Variants in PPP2R2B observed in about 807,000 individuals in gnomAD.
The protein encoded by PPP2R2B is protein phosphatase 2 regulatory subunit Bbeta, also known as serine/threonine-protein phosphatase 2A 55 kDa regulatory subunit B beta isoform.
In PPP2R2B, 5 loss-of-function variants were observed where a neutral mutation model predicts 46.0. The observed-to-expected ratio is 0.11, with a 90% CI of 0.06 to 0.23. PPP2R2B has a LOEUF of 0.23. Ranked by LOEUF, PPP2R2B falls within the 10% of genes least tolerant of loss-of-function variation. PPP2R2B has a pLI of 1.00. For missense variants in PPP2R2B, 367 were observed against 575.0 expected, an observed-to-expected ratio of 0.64 and a Z score of 3.70; for synonymous variants, 215 against 206.7, an observed-to-expected ratio of 1.04 and a Z score of -0.34.
intron 5 of PPP2R2B, among the ~76,000 whole-genome samples, chr5:146,681,726 A>G (rs1389239775): frequency 6.6e-6 from 1 of 152,184 alleles, no homozygotes; most frequent in Non-Finnish European, 1.5e-5. Flanking sequence ...CAAGATCCTT[A>G]CTTGCAAAGC....
At chr5:147,079,360 T>C (rs1261082623) in intron 2 of PPP2R2B, among the ~76,000 whole-genome samples, 1 of 146,592 alleles carries the variant, frequency 6.8e-6, no homozygotes, top group African/African-American at 2.5e-5. Flanking sequence ...TACAGTGATA[T>C]ATATATATAT....
intron 1 of PPP2R2B, among the ~76,000 whole-genome samples, chr5:146,900,050 G>A (rs1366186575): frequency 6.6e-6 from 1 of 152,172 alleles, no homozygotes; most frequent in East Asian, 1.9e-4. Context: ...ACTCAAACAA[G>A]ATTTCTATAC....
intron 2 of PPP2R2B, among the ~76,000 whole-genome samples, chr5:146,858,409 T>A (rs1424646187): frequency 2.0e-5 from 3 of 152,220 alleles, no homozygotes; most frequent in Non-Finnish European, 4.4e-5. Flanking sequence ...CATGTACAAG[T>A]ATTATCTCAC....
chr5:147,081,298 A>C (rs772898420), exon 1 of PPP2R2B: 57 of 1,535,650 alleles, frequency 3.7e-5, no homozygotes, highest in Non-Finnish European at 5.0e-5. Context: ...GTGAGTCCTG[A>C]GAGGACGGTC....
chr5:146,726,668 C>T (rs951995466), intron 2 of PPP2R2B, among the ~76,000 whole-genome samples: 1 of 152,194 alleles, frequency 6.6e-6, no homozygotes, highest in Non-Finnish European at 1.5e-5. Flanking sequence ...CAAACCCACA[C>T]AGTCTAGTCC....
At chr5:146,938,524 T>C (rs1451675855) in intron 1 of PPP2R2B, among the ~76,000 whole-genome samples, 1 of 152,168 alleles carries the variant, frequency 6.6e-6, no homozygotes, top group Non-Finnish European at 1.5e-5. Context: ...GAAATACTAA[T>C]TTAAATTTAA....
intron 1 of PPP2R2B, among the ~76,000 whole-genome samples, chr5:147,035,653 C>T (rs9325032): frequency 0.67 from 101,910 of 151,974 alleles, 35,461 homozygotes; most frequent in South Asian, 0.78. Context: ...AGTAGAAAGT[C>T]ATTTACATCT....
At chr5:146,835,190 A>T (rs1375459109) in intron 2 of PPP2R2B, among the ~76,000 whole-genome samples, 1 of 152,226 alleles carries the variant, frequency 6.6e-6, no homozygotes, top group Non-Finnish European at 1.5e-5. Context: ...GTTATACTGT[A>T]GCAGAAAAAT....
intron 2 of PPP2R2B, among the ~76,000 whole-genome samples, chr5:146,771,999 G>C (rs1754886102): frequency 6.6e-6 from 1 of 152,156 alleles, no homozygotes; most frequent in Non-Finnish European, 1.5e-5. Flanking sequence ...CATGTACACA[G>C]AGAATCATTT....
intron 2 of PPP2R2B, among the ~76,000 whole-genome samples, chr5:146,871,740 T>C (rs1045593577): frequency 7.9e-5 from 12 of 152,194 alleles, no homozygotes; most frequent in African/African-American, 2.9e-4. Flanking sequence ...GCAGCATGGG[T>C]GAGCAAAGAA....
At chr5:146,967,607 A>G (rs577283304) in intron 1 of PPP2R2B, among the ~76,000 whole-genome samples, 24 of 152,214 alleles carry the variant, frequency 1.6e-4, no homozygotes, top group Admixed American at 3.9e-4. Flanking sequence ...TATCCAGGAC[A>G]TTTCCTTTGC....
chr5:146,728,928 C>T (rs368127573), intron 2 of PPP2R2B, among the ~76,000 whole-genome samples: 1 of 152,304 alleles, frequency 6.6e-6, no homozygotes, highest in Non-Finnish European at 1.5e-5. Flanking sequence ...CAGACTAATA[C>T]AGCAAATTGG....
Position 146,750,727 on chromosome 5 carries a change from G to A in PPP2R2B, c.71-49585C>T, listed in dbSNP as rs892972493. ...AGTCTTCTCATGGTTAAGAACATGG[G>A]CACAGCATTGCTATGGCTTATATAT... On this transcript the variant is annotated intron_variant, in intron 2 of 9. Transcript: ENST00000394411. Among the ~76,000 whole-genome samples the A allele has an allele frequency of 2.6e-5, 4 of 152,160 alleles. No individual in the cohort carries two copies. The East Asian group carries it at 5.8e-4, about 22-fold the overall frequency.
chr5:146,991,894 T>C (rs1055453699), intron 1 of PPP2R2B, among the ~76,000 whole-genome samples: 3 of 152,114 alleles, frequency 2.0e-5, no homozygotes, highest in Non-Finnish European at 2.9e-5. Context: ...ATGAAAATAT[T>C]TTCCATATTC....
chr5:146,894,098 C>T (rs188863982), intron 1 of PPP2R2B, among the ~76,000 whole-genome samples: 3 of 152,268 alleles, frequency 2.0e-5, no homozygotes, highest in Admixed American at 2.0e-4. Context: ...ATTTACGCTG[C>T]TACTAAGTTA....
intron 5 of PPP2R2B, among the ~76,000 whole-genome samples, chr5:146,686,950 A>G (rs1303959066): frequency 6.6e-6 from 1 of 151,842 alleles, no homozygotes; most frequent in Non-Finnish European, 1.5e-5. Flanking sequence ...GTAAAACTGC[A>G]TAGGGACCTC....
chr5:146,810,300 T>C (rs1271964058), intron 2 of PPP2R2B, among the ~76,000 whole-genome samples: 1 of 152,090 alleles, frequency 6.6e-6, no homozygotes, highest in East Asian at 1.9e-4. Flanking sequence ...GAAAGTCACG[T>C]CTCATATGGT....
At chr5:146,852,750 G>A (rs972377136) in intron 2 of PPP2R2B, among the ~76,000 whole-genome samples, 6 of 152,108 alleles carry the variant, frequency 3.9e-5, no homozygotes, top group Non-Finnish European at 8.8e-5. Context: ...ACGGTCCTAA[G>A]TTCACAATAC....
At chr5:146,671,562 G>T (rs941424446) in intron 5 of PPP2R2B, among the ~76,000 whole-genome samples, 20 of 152,136 alleles carry the variant, frequency 1.3e-4, no homozygotes, top group African/African-American at 4.3e-4. Context: ...TGGGCTTTCT[G>T]TGTGCCACTC....
Sources: gnomAD v4.1 joint callset for allele counts (sites outside exome capture counted in the v4.1 genomes callset) on GRCh38, gnomAD v4.1.1 for gene constraint, MANE v1.5 for transcripts, NCBI Gene and HGNC (gene_info 2026-07-23, HGNC 2026-07-21) for gene names.